The following ERBB4 variants were observed in gnomAD, a reference collection of about 807,000 sequenced individuals.
ERBB4 encodes receptor tyrosine-protein kinase erbB-4.
A neutral mutation model predicts 158.0 loss-of-function variants in ERBB4; 42 were observed. That is an observed-to-expected ratio of 0.27 (90% CI 0.21 to 0.34). ERBB4 has a LOEUF of 0.34. Among genes scored for constraint, ERBB4 ranks in the 10% least tolerant of loss-of-function variants. The pLI is 1.00. For synonymous variants in ERBB4, 583 were observed against 558.7 expected (o/e 1.04, Z -0.61); for missense variants, 1,333 against 1,624.1 (o/e 0.82, Z 3.08).
intron 2 of ERBB4, among the ~76,000 whole-genome samples, chr2:212,003,604 AC>A (rs1396500852): frequency 1.3e-5 from 2 of 152,148 alleles, no homozygotes; most frequent in East Asian, 3.9e-4. Flanking sequence ...TCTCCTCCCC[AC>A]CGTATTGCAC....
chr2:212,330,770 C>T (rs775624508), intron 1 of ERBB4, among the ~76,000 whole-genome samples: 19 of 151,726 alleles, frequency 1.3e-4, no homozygotes, highest in Non-Finnish European at 2.2e-4. Context: ...ACTGTGTAAT[C>T]TTATTTTCAA....
At chr2:212,305,164 G>C (rs2086765716) in intron 1 of ERBB4, among the ~76,000 whole-genome samples, 1 of 151,254 alleles carries the variant, frequency 6.6e-6, no homozygotes, top group Admixed American at 6.6e-5. Flanking sequence ...TAATAACTAA[G>C]ACTTCTTGAT....
intron 20 of ERBB4, among the ~76,000 whole-genome samples, chr2:211,506,702 CAA>C (rs2065760130): frequency 6.8e-6 from 1 of 147,416 alleles, no homozygotes; most frequent in African/African-American, 2.4e-5. Flanking sequence ...AAAATTGAAA[CAA>C]ATGAAAACAG....
intron 9 of ERBB4, among the ~76,000 whole-genome samples, chr2:211,709,274 T>TATATATATACACATATATATATATATAC (rs1553615210): frequency 8.8e-5 from 12 of 136,538 alleles, no homozygotes; most frequent in African/African-American, 3.4e-4. Context: ...TATATATATA[T>TATATATATACACATATATATATATATAC]ACATACATAT....
chr2:211,445,084 T>G (rs1020327167), intron 20 of ERBB4, among the ~76,000 whole-genome samples: 1 of 152,118 alleles, frequency 6.6e-6, no homozygotes, highest in African/African-American at 2.4e-5. Context: ...AGGATCTAAA[T>G]TAATTGTCAA....
intron 1 of ERBB4, among the ~76,000 whole-genome samples, chr2:212,240,448 T>C (rs1387560761): frequency 6.6e-6 from 1 of 151,554 alleles, no homozygotes; most frequent in Non-Finnish European, 1.5e-5. Context: ...CTGACCAACA[T>C]GGTGAAACCC....
intron 2 of ERBB4, among the ~76,000 whole-genome samples, chr2:212,050,624 A>C (rs2077374800): frequency 6.6e-6 from 1 of 152,180 alleles, no homozygotes; most frequent in Non-Finnish European, 1.5e-5. Context: ...TTCCAAAATA[A>C]AAAAGTAGTC....
rs540348574 is a variant in ERBB4, at chr2:211,710,143, A to C, written c.1124+1907T>G. ...TTTTATTTCAGAATTGAAAAGTGGC[A>C]ATTTTTTAATATATAAAAGTGGAAT... On this transcript the variant is annotated intron_variant, in intron 9 of 27. Coordinates refer to ENST00000342788, the MANE Select transcript of ERBB4 (RefSeq NM_005235.3). 9.8e-4 allele frequency among the ~76,000 whole-genome samples: 149 copies of C among 152,276 alleles called. 1 individual carries two copies. The highest frequency in any genetic ancestry group is 1.9e-3 in the Non-Finnish European group (128 of 68,020).
intron 2 of ERBB4, among the ~76,000 whole-genome samples, chr2:212,032,639 T>G (rs1354900165): frequency 6.6e-6 from 1 of 152,066 alleles, no homozygotes; most frequent in Non-Finnish European, 1.5e-5. Flanking sequence ...GAAAATTACA[T>G]TTTTCTTTGT....
At chr2:211,952,658 A>C (rs2080904973) in intron 2 of ERBB4, among the ~76,000 whole-genome samples, 1 of 152,090 alleles carries the variant, frequency 6.6e-6, no homozygotes, top group African/African-American at 2.4e-5. Context: ...TGTGCTTACT[A>C]GCTTTGTGGC....
intron 3 of ERBB4, among the ~76,000 whole-genome samples, chr2:211,830,667 T>C (rs2077199709): frequency 6.6e-6 from 1 of 152,166 alleles, no homozygotes; most frequent in Non-Finnish European, 1.5e-5. Flanking sequence ...AAAATTTGTA[T>C]AATTTTCATA....
intron 2 of ERBB4, among the ~76,000 whole-genome samples, chr2:212,023,871 T>A (rs1443707915): frequency 6.6e-6 from 1 of 151,918 alleles, no homozygotes; most frequent in African/African-American, 2.4e-5. Flanking sequence ...TCTGTGATGA[T>A]TTTTAGGACA....
At chr2:212,516,695 ATATT>A (rs970471214) in intron 1 of ERBB4, among the ~76,000 whole-genome samples, 1 of 152,136 alleles carries the variant, frequency 6.6e-6, no homozygotes, top group African/African-American at 2.4e-5. Context: ...GATGTTGTGG[ATATT>A]TAAAGAGTTG....
At chr2:211,840,771 C>A (rs368252908) in intron 3 of ERBB4, among the ~76,000 whole-genome samples, 2 of 152,052 alleles carry the variant, frequency 1.3e-5, no homozygotes, top group South Asian at 2.1e-4. Context: ...TAATGATAAA[C>A]CTTGATTCAG....
At chr2:211,961,985 T>G (rs1360055830) in intron 2 of ERBB4, among the ~76,000 whole-genome samples, 1 of 151,988 alleles carries the variant, frequency 6.6e-6, no homozygotes, top group East Asian at 1.9e-4. Flanking sequence ...GTAAGAATGG[T>G]GGTTACTTTT....
At chr2:211,539,450 C>T (rs564874341) in intron 20 of ERBB4, among the ~76,000 whole-genome samples, 3 of 151,940 alleles carry the variant, frequency 2.0e-5, no homozygotes, top group Non-Finnish European at 4.4e-5. Flanking sequence ...AGCACATCTG[C>T]GTCTTTTTGT....
At chr2:211,492,777 G>A (rs4233984) in intron 20 of ERBB4, among the ~76,000 whole-genome samples, 47,817 of 151,812 alleles carry the variant, frequency 0.31, 7,842 homozygotes, top group African/African-American at 0.38. Flanking sequence ...AGTAACTATT[G>A]CGGTAATAAT....
chr2:211,685,488 C>G (rs1476829211), intron 12 of ERBB4, among the ~76,000 whole-genome samples: 1 of 152,066 alleles, frequency 6.6e-6, no homozygotes, highest in Non-Finnish European at 1.5e-5. Flanking sequence ...GTGTATTATC[C>G]TCTACCAATA....
chr2:212,243,869 A>G (rs560642593), intron 1 of ERBB4, among the ~76,000 whole-genome samples: 68 of 152,284 alleles, frequency 4.5e-4, no homozygotes, highest in African/African-American at 1.6e-3. Context: ...CTAATAAACA[A>G]TTATAAAAAT....
Sources: gnomAD v4.1 joint callset for allele counts (sites outside exome capture counted in the v4.1 genomes callset) on GRCh38, gnomAD v4.1.1 for gene constraint, MANE v1.5 for transcripts, NCBI Gene and HGNC (gene_info 2026-07-23, HGNC 2026-07-21) for gene names.